Variants in DOCK1 observed in about 807,000 individuals in gnomAD.
DOCK1 encodes the protein dedicator of cytokinesis 1.
DOCK1 carries 138 observed loss-of-function variants against 262.7 expected under a neutral mutation model. That is an observed-to-expected ratio of 0.53 (90% CI 0.46 to 0.61). DOCK1 has a LOEUF of 0.61. Among genes scored for constraint, DOCK1 ranks in the 20% least tolerant of loss-of-function variants. The pLI is 0.00. For missense variants in DOCK1, 1,908 were observed against 2,370.7 expected (o/e 0.80, Z 4.05); for synonymous variants, 866 against 867.4 (o/e 1.00, Z 0.03).
intron 29 of DOCK1, among the ~76,000 whole-genome samples, chr10:127,330,804 A>G (rs190491951): frequency 3.4e-4 from 52 of 152,342 alleles, no homozygotes; most frequent in African/African-American, 1.1e-3. Flanking sequence ...AGAAGTCATG[A>G]ATATTAATGA....
chr10:126,946,471 G>A (rs1405511267), intron 1 of DOCK1, among the ~76,000 whole-genome samples: 8 of 152,080 alleles, frequency 5.3e-5, no homozygotes, highest in African/African-American at 1.2e-4. Context: ...CGCTTGACCC[G>A]GAAGGCGGAG....
intron 23 of DOCK1, among the ~76,000 whole-genome samples, chr10:127,095,696 A>G (rs2047867686): frequency 7.9e-6 from 1 of 126,314 alleles, no homozygotes; most frequent in Non-Finnish European, 1.7e-5. Context: ...TGTGTGAGCA[A>G]TTAATGGACA....
chr10:127,363,728 T>G (rs1455805559), intron 33 of DOCK1, among the ~76,000 whole-genome samples: 1 of 152,154 alleles, frequency 6.6e-6, no homozygotes, highest in East Asian at 1.9e-4. Context: ...CTTCATCATA[T>G]CACATGAAGG....
intron 23 of DOCK1, among the ~76,000 whole-genome samples, chr10:127,069,650 T>G (rs1044920019): frequency 6.6e-6 from 1 of 152,058 alleles, no homozygotes; most frequent in Non-Finnish European, 1.5e-5. Context: ...GAGGACCGTC[T>G]AGGTCACATT....
At chr10:126,915,305 A>G (rs888157444) in intron 1 of DOCK1, among the ~76,000 whole-genome samples, 2 of 152,080 alleles carry the variant, frequency 1.3e-5, no homozygotes, top group Non-Finnish European at 2.9e-5. Context: ...CCAAGGACAG[A>G]CGCCGCCTTT....
intron 26 of DOCK1, among the ~76,000 whole-genome samples, chr10:127,126,238 G>A (rs1038654173): frequency 2.0e-5 from 3 of 152,058 alleles, no homozygotes; most frequent in Non-Finnish European, 4.4e-5. Context: ...GGGATTATAG[G>A]TGCCTGCCAC....
intron 45 of DOCK1, among the ~76,000 whole-genome samples, chr10:127,419,322 GC>G (rs1181286154): frequency 3.1e-4 from 47 of 152,284 alleles, no homozygotes; most frequent in Non-Finnish European, 8.8e-5. Flanking sequence ...TCAGGCCTGG[GC>G]AGGTGCAGGG....
chr10:127,057,063 C>G (rs1231780118), intron 22 of DOCK1, among the ~76,000 whole-genome samples: 1 of 152,088 alleles, frequency 6.6e-6, no homozygotes, highest in Non-Finnish European at 1.5e-5. Context: ...AATCGTTTTC[C>G]TAGCTTGTAT....
chr10:127,156,654 C>T (rs1226413848), intron 27 of DOCK1, among the ~76,000 whole-genome samples: 1 of 150,312 alleles, frequency 6.7e-6, no homozygotes, highest in Non-Finnish European at 1.5e-5. Flanking sequence ...CCACAACCTC[C>T]GCCTCCTGGG....
chr10:127,129,133 G>C (rs549090204), intron 27 of DOCK1, among the ~76,000 whole-genome samples: 6 of 152,244 alleles, frequency 3.9e-5, no homozygotes, highest in African/African-American at 1.4e-4. Context: ...TCACCACAGA[G>C]GACTCCGTGT....
intron 27 of DOCK1, among the ~76,000 whole-genome samples, chr10:127,155,938 C>T (rs2053001676): frequency 6.6e-6 from 1 of 152,148 alleles, no homozygotes; most frequent in African/African-American, 2.4e-5. Flanking sequence ...TACTGCTCTA[C>T]TATTGTGTTG....
intron 31 of DOCK1, chr10:127,344,484 C>T (rs1374446667): frequency 6.6e-6 from 1 of 152,196 alleles, no homozygotes; most frequent in Admixed American, 6.5e-5. Context: ...TCTGAAATTG[C>T]ATTGGTGTTG....
In DOCK1 at chr10:127,384,848, C is replaced by A; in HGVS notation, c.3866C>A (p.Thr1289Lys). Residue 1289 changes from threonine to lysine, a missense_variant, in exon 38 of 52, where the codon ACG becomes AAG. Physicochemically the swap from Thr to Lys is moderately conservative, Grantham distance 78 (BLOSUM62 -1). This residue lies in a region of DOCK1 where 267 missense variants were observed against 366.3 expected (regional missense o/e 0.73). Coordinates refer to ENST00000623213, the MANE Select transcript of DOCK1 (RefSeq NM_001290223.2). ...LTQRDGYQATTQGQLKEQLYQ... is the reference protein window; with the variant it reads ...LTQRDGYQATKQGQLKEQLYQ... The stretch of plus-strand genomic sequence containing the variant: ...CAGCGGGACGGGTACCAGGCCACCA[C>A]GCAGGGACAGCTGAAGGAGCAGCTC... 6.2e-7 allele frequency: 1 copy of A among 1,609,644 alleles called. No homozygotes were observed. Among genetic ancestry groups the A allele is most frequent in the East Asian group, 2.2e-5 (1 of 44,550 alleles).
At chr10:127,005,384 A>G (rs759638576) in intron 10 of DOCK1, among the ~76,000 whole-genome samples, 1 of 152,140 alleles carries the variant, frequency 6.6e-6, no homozygotes, top group Non-Finnish European at 1.5e-5. Flanking sequence ...AAGGTTGATC[A>G]ACATTTTGGT....
At chr10:127,257,274 A>T (rs930001989) in intron 28 of DOCK1, 61 bp from the exon 29 acceptor site, 2 of 1,298,392 alleles carry the variant, frequency 1.5e-6, no homozygotes, top group Non-Finnish European at 2.2e-6. Context: ...AATTGACAGG[A>T]GGGTATCATG....
intron 42 of DOCK1, 135 bp from the exon 43 acceptor site, chr10:127,410,705 A>G: frequency 1.4e-6 from 1 of 708,074 alleles, no homozygotes; most frequent in East Asian, 2.9e-5. Context: ...GAGGACACCA[A>G]GGCGATGGCT....
At chr10:127,229,739 A>G (rs2058773029) in intron 27 of DOCK1, among the ~76,000 whole-genome samples, 1 of 152,130 alleles carries the variant, frequency 6.6e-6, no homozygotes, top group Admixed American at 6.5e-5. Flanking sequence ...TCCTTTGGGT[A>G]TATTCTCAGA....
chr10:127,228,801 C>T (rs1421543157), intron 27 of DOCK1, among the ~76,000 whole-genome samples: 1 of 152,022 alleles, frequency 6.6e-6, no homozygotes, highest in South Asian at 2.1e-4. Context: ...TTTAAATTGA[C>T]GAATAAAAAT....
At chr10:126,952,452 T>C (rs1423629370) in intron 1 of DOCK1, among the ~76,000 whole-genome samples, 1 of 151,782 alleles carries the variant, frequency 6.6e-6, no homozygotes, top group East Asian at 1.9e-4. Flanking sequence ...TTGTTGGTGA[T>C]GGTGGTGGTG....
Sources: gnomAD v4.1 joint callset for allele counts (sites outside exome capture counted in the v4.1 genomes callset) on GRCh38, gnomAD v4.1.1 for gene constraint, gnomAD v4.1.1 regional missense constraint, MANE v1.5 for transcripts, NCBI Gene and HGNC (gene_info 2026-07-23, HGNC 2026-07-21) for gene names.